Variants in SLC30A7 observed in about 807,000 individuals in gnomAD.
The protein encoded by SLC30A7 is zinc transporter 7.
Under a neutral mutation model 46.0 loss-of-function variants are expected in SLC30A7, and 35 were observed. The observed-to-expected ratio is 0.76, with a 90% CI of 0.58 to 1.01. The LOEUF (loss-of-function observed/expected upper bound fraction) is 1.01. Ranked by LOEUF, SLC30A7 falls within the 50% of genes least tolerant of loss-of-function variation. SLC30A7 has a pLI of 0.00. For synonymous variants in SLC30A7, 147 were observed against 157.8 expected, an observed-to-expected ratio of 0.93 and a Z score of 0.51; for missense variants, 464 against 451.1, an observed-to-expected ratio of 1.03 and a Z score of -0.26.
chr1:100,934,512 G>A (rs998564691), intron 8 of SLC30A7, among the ~76,000 whole-genome samples: 11 of 152,096 alleles, frequency 7.2e-5, no homozygotes, highest in Non-Finnish European at 1.5e-4. Flanking sequence ...TCATATTATG[G>A]TAAAAAGAAT....
At chr1:100,957,202 A>T (rs935764933) in intron 8 of SLC30A7, among the ~76,000 whole-genome samples, 1 of 152,152 alleles carries the variant, frequency 6.6e-6, no homozygotes, top group African/African-American at 2.4e-5. Context: ...CATTGCCACA[A>T]CTCGAGAGTA....
In SLC30A7 at chr1:100,958,387, A is replaced by G. The variant is rs1655348650; in HGVS notation, c.843-3441A>G. Among the ~76,000 whole-genome samples, 3 of 152,192 alleles carry G rather than the reference A, an allele frequency of 2.0e-5. No homozygotes were observed. The South Asian group carries it at 6.2e-4, about 32-fold the overall frequency. The stretch of plus-strand genomic sequence containing the variant: ...GAGACGGGATTTCACCGTGTTAGCC[A>G]GGATGGTCTCGATCCCCTGACCTCA... On this transcript the variant is annotated intron_variant, in intron 8 of 10. Coordinates refer to ENST00000357650, the MANE Select transcript of SLC30A7 (RefSeq NM_133496.5).
At chr1:100,928,880 C>A (rs1257457351) in intron 8 of SLC30A7, among the ~76,000 whole-genome samples, 1 of 152,080 alleles carries the variant, frequency 6.6e-6, no homozygotes, top group Non-Finnish European at 1.5e-5. Context: ...CATCAGAGAG[C>A]ATTCACAGGT....
intron 3 of SLC30A7, among the ~76,000 whole-genome samples, chr1:100,909,716 G>A (rs769248422): frequency 6.6e-6 from 1 of 152,050 alleles, no homozygotes; most frequent in Non-Finnish European, 1.5e-5. Context: ...AACTTAGATA[G>A]CACACCTACT....
chr1:100,914,333 C>A (rs1335045966), intron 6 of SLC30A7, among the ~76,000 whole-genome samples: 1 of 152,204 alleles, frequency 6.6e-6, no homozygotes. Flanking sequence ...AACCGTCCCC[C>A]TTTCCCTCCC....
chr1:100,907,089 C>G, intron 3 of SLC30A7, 124 bp downstream of exon 3: 1 of 604,902 alleles, frequency 1.7e-6, no homozygotes, highest in Non-Finnish European at 2.8e-6. Flanking sequence ...CTTTGAAGCC[C>G]CCACTCAGGC....
intron 6 of SLC30A7, among the ~76,000 whole-genome samples, chr1:100,915,715 ATTG>A (rs2101024382): frequency 6.6e-6 from 1 of 152,284 alleles, no homozygotes; most frequent in African/African-American, 2.4e-5. Context: ...TGTCTTGGCT[ATTG>A]TGAATAATGC....
chr1:100,975,156 GT>G lies in SLC30A7; in HGVS notation c.*304del, dbSNP rs1656396579. ...TTTGTCCTTTTGTCTTTCTTTTTTTGTTTTTGTTTTCTGTTTGTTTGTTTTC... is the reference window on the plus strand; with the variant it reads ...TTTGTCCTTTTGTCTTTCTTTTTTTGTTTTGTTTTCTGTTTGTTTGTTTTC... On this transcript the variant is annotated 3_prime_UTR_variant, in exon 11 of 11. Transcript: ENST00000357650. The G allele has an allele frequency of 4.0e-6, 1 of 252,462 alleles. No homozygotes were observed. Among genetic ancestry groups the G allele is most frequent in the Non-Finnish European group, 7.5e-6 (1 of 133,346 alleles). The allele number at this position is 252,462 out of a possible 1,614,324, so 15.6% of individuals were successfully genotyped here.
intron 4 of SLC30A7, among the ~76,000 whole-genome samples, chr1:100,911,433 G>A (rs1194723736): frequency 6.6e-6 from 1 of 152,116 alleles, no homozygotes; most frequent in Non-Finnish European, 1.5e-5. Flanking sequence ...GGTCAGTAGG[G>A]AAATATTTCT....
At chr1:100,986,032 T>C (rs1001044173), downstream of SLC30A7, among the ~76,000 whole-genome samples, 3 of 152,120 alleles carry the variant, frequency 2.0e-5, no homozygotes, top group Non-Finnish European at 4.4e-5. Flanking sequence ...CTTCATCAAA[T>C]AGGATATAAG....
chr1:100,925,317 A>G (rs1294804366), intron 8 of SLC30A7, among the ~76,000 whole-genome samples: 1 of 152,232 alleles, frequency 6.6e-6, no homozygotes, highest in Non-Finnish European at 1.5e-5. Flanking sequence ...GCTGGGGAAG[A>G]CTACCTAGGG....
At chr1:100,994,637 G>A in the SLC30A7 span, among the ~76,000 whole-genome samples, 5 of 150,440 alleles carry the variant, frequency 3.3e-5, no homozygotes, top group South Asian at 2.1e-4. Flanking sequence ...AGCGATTCTC[G>A]TGCCTCAACC....
chr1:100,927,786 A>G (rs1653402121), intron 8 of SLC30A7, among the ~76,000 whole-genome samples: 2 of 152,108 alleles, frequency 1.3e-5, no homozygotes, highest in South Asian at 2.1e-4. Flanking sequence ...AAGGTAATTG[A>G]TGCATGCTTT....
intron 3 of SLC30A7, among the ~76,000 whole-genome samples, chr1:100,907,894 T>C (rs1266120160): frequency 6.6e-6 from 1 of 152,026 alleles, no homozygotes; most frequent in African/African-American, 2.4e-5. Context: ...CTCATGCTCT[T>C]TTTTCCTCTC....
At position 100,980,746 on chromosome 1, in the gene SLC30A7, A is replaced by C. The variant is rs1286663001; in HGVS notation, c.*5889A>C. On this transcript the variant is annotated 3_prime_UTR_variant, in exon 11 of 11. Transcript: ENST00000357650. Reference sequence around the variant, plus strand: ...GTATACAGATGTTATCCATTTTACAAATTGTTGGATCGGAATTTGACAGAA... The same window carrying C: ...GTATACAGATGTTATCCATTTTACACATTGTTGGATCGGAATTTGACAGAA... 1.3e-5 allele frequency: 2 copies of C among 151,944 alleles called. No individual in the cohort carries two copies. The highest frequency in any genetic ancestry group is 4.8e-5 in the African/African-American group (2 of 41,396). 9.4% of individuals were successfully genotyped at this position (151,944 alleles called of 1,614,324 possible).
intron 7 of SLC30A7, among the ~76,000 whole-genome samples, chr1:100,920,080 C>T (rs1462981422): frequency 6.6e-6 from 1 of 151,912 alleles, no homozygotes; most frequent in East Asian, 1.9e-4. Context: ...CTAATAAAAC[C>T]AGTTTTCAGG....
At chr1:100,916,041 T>C (rs551211050) in intron 6 of SLC30A7, among the ~76,000 whole-genome samples, 1 of 152,288 alleles carries the variant, frequency 6.6e-6, no homozygotes, top group East Asian at 1.9e-4. Flanking sequence ...GAGCATCTTT[T>C]AATGTACCTG....
At chr1:100,936,640 T>C (rs149499356) in intron 8 of SLC30A7, among the ~76,000 whole-genome samples, 36 of 152,326 alleles carry the variant, frequency 2.4e-4, no homozygotes, top group African/African-American at 7.9e-4. Context: ...TACAGTTCAG[T>C]GGCATTAAGT....
At chr1:100,954,697 A>G (rs932751940) in intron 8 of SLC30A7, among the ~76,000 whole-genome samples, 1 of 152,144 alleles carries the variant, frequency 6.6e-6, no homozygotes, top group African/African-American at 2.4e-5. Flanking sequence ...CAGTATAATT[A>G]TAAAGTAAAG....
Sources: gnomAD v4.1 joint callset for allele counts (sites outside exome capture counted in the v4.1 genomes callset) on GRCh38, gnomAD v4.1.1 for gene constraint, MANE v1.5 for transcripts, NCBI Gene and HGNC (gene_info 2026-07-23, HGNC 2026-07-21) for gene names.